Variants in NCMAP observed in about 807,000 individuals in gnomAD.
NCMAP encodes non-compact myelin associated protein, also known as noncompact myelin-associated protein.
Under a neutral mutation model 7.8 loss-of-function variants are expected in NCMAP, and 8 were observed. That is an observed-to-expected ratio of 1.02 (90% CI 0.60 to 1.84). NCMAP has a LOEUF of 1.84. Among genes scored for constraint, NCMAP ranks in the 40% most tolerant of loss-of-function variants. The pLI is 0.00. For missense variants in NCMAP, 112 were observed against 131.4 expected, an observed-to-expected ratio of 0.85 and a Z score of 0.72; for synonymous variants, 41 against 52.9, an observed-to-expected ratio of 0.78 and a Z score of 0.98.
chr1:24,584,391 G>T (rs1651822979), intron 1 of NCMAP, among the ~76,000 whole-genome samples: 1 of 152,226 alleles, frequency 6.6e-6, no homozygotes, highest in Non-Finnish European at 1.5e-5. Context: ...TTCAGCTGGG[G>T]TTTCTATTTA....
chr1:24,564,582 GA>G lies in NCMAP; in HGVS notation c.-8+8416del, dbSNP rs1651163623. ...AGAGTATACGTATGATTCCCAAAAGGAAAGAAAAATAAAAGTGGAGATGAGG... is the reference window on the plus strand; with the variant it reads ...AGAGTATACGTATGATTCCCAAAAGGAAGAAAAATAAAAGTGGAGATGAGG... On this transcript the variant is annotated intron_variant, in intron 1 of 3. Transcript: ENST00000374392. Among the ~76,000 whole-genome samples the G allele has an allele frequency of 3.5e-5, 5 of 142,390 alleles. No individual in the cohort carries two copies. The Admixed American group carries it at 3.7e-4, about 10-fold the overall frequency. 93.4% of individuals were successfully genotyped at this position (142,390 alleles called of 152,430 possible).
At chr1:24,572,586 G>T (rs563580244) in intron 1 of NCMAP, among the ~76,000 whole-genome samples, 1 of 150,578 alleles carries the variant, frequency 6.6e-6, no homozygotes. Flanking sequence ...AGGCACACTC[G>T]CTTGCACACT....
intron 1 of NCMAP, among the ~76,000 whole-genome samples, chr1:24,567,965 G>A (rs190615047): frequency 5.7e-4 from 86 of 152,100 alleles, no homozygotes; most frequent in Non-Finnish European, 8.8e-4. Flanking sequence ...AGAGAGAATC[G>A]ACCGAGGGTT....
chr1:24,604,016 G>A (rs980617640), intron 3 of NCMAP, among the ~76,000 whole-genome samples: 2 of 152,224 alleles, frequency 1.3e-5, no homozygotes, highest in African/African-American at 4.8e-5. Flanking sequence ...ATCCACGATA[G>A]AAGGGCAAAG....
chr1:24,605,854 C>A lies in NCMAP; in HGVS notation c.*107C>A. The stretch of plus-strand genomic sequence containing the variant: ...CACAATGAGCTTCTTCTGGTCAGGT[C>A]GACAGAGACATCTTTGACGCAATCT... On this transcript the variant is annotated 3_prime_UTR_variant, in exon 4 of 4. Coordinates refer to ENST00000374392, the MANE Select transcript of NCMAP (RefSeq NM_001010980.5). 3 of 1,332,306 alleles carry A rather than the reference C, an allele frequency of 2.3e-6. No individual in the cohort carries two copies. Among genetic ancestry groups the A allele is most frequent in the South Asian group, 2.7e-5 (2 of 72,948 alleles). 82.5% of individuals were successfully genotyped at this position (1,332,306 alleles called of 1,614,324 possible).
chr1:24,563,009 T>G (rs1340547883), intron 1 of NCMAP, among the ~76,000 whole-genome samples: 1 of 152,190 alleles, frequency 6.6e-6, no homozygotes, highest in Non-Finnish European at 1.5e-5. Flanking sequence ...CCAAAATAAT[T>G]AGACACTTGA....
chr1:24,591,405 C>T (rs903273958), intron 1 of NCMAP, among the ~76,000 whole-genome samples: 1 of 152,182 alleles, frequency 6.6e-6, no homozygotes, highest in African/African-American at 2.4e-5. Flanking sequence ...GTAGCTGGGA[C>T]TATAGGCGTG....
At chr1:24,570,696 C>T (rs551275840) in intron 1 of NCMAP, among the ~76,000 whole-genome samples, 1 of 150,948 alleles carries the variant, frequency 6.6e-6, no homozygotes, top group South Asian at 2.1e-4. Context: ...TGCTCAGAAC[C>T]CTCAGCCTCT....
chr1:24,595,477 A>G lies in NCMAP; in HGVS notation c.47A>G (p.Asn16Ser), dbSNP rs765014154. 1.2e-6 allele frequency: 2 copies of G among 1,613,852 alleles called. No homozygotes were observed. The highest frequency in any genetic ancestry group is 1.3e-5 in the African/African-American group (1 of 74,934). The change falls in exon 2 of 4, where the codon AAC becomes AGC. Residue 16 changes from asparagine (N) to serine (S), a missense_variant. By Grantham distance (46) the Asn-to-Ser change is conservative (BLOSUM62 1). Transcript: ENST00000374392. ...PLGDTTFFSL[N>S]MTTRGEDFLY... ...GGGGATACCACCTTCTTCTCACTGA[A>G]CATGACCACCAGGGGAGAAGACTTC...
At position 24,606,700 on chromosome 1, in the gene NCMAP, T is replaced by G. The variant is rs1454369242; in HGVS notation, c.*953T>G. 2.6e-5 allele frequency: 4 copies of G among 152,242 alleles called. No homozygotes were observed. The highest frequency in any genetic ancestry group is 7.2e-5 in the African/African-American group (3 of 41,448). The allele number at this position is 152,242 out of a possible 1,614,324, so 9.4% of individuals were successfully genotyped here. On this transcript the variant is annotated 3_prime_UTR_variant, in exon 4 of 4. Transcript: ENST00000374392. ...ACATTCACAACCCATTTCTATTCTA[T>G]AGCAACCTCGTCTGTGACTCCTTAG... is the stretch of plus-strand genomic sequence containing the variant.
At chr1:24,577,526 C>T (rs567043020) in intron 1 of NCMAP, among the ~76,000 whole-genome samples, 5 of 149,514 alleles carry the variant, frequency 3.3e-5, no homozygotes, top group East Asian at 2.0e-4. Context: ...CCTCCCACTT[C>T]GGCCTCCCAA....
chr1:24,603,948 G>A (rs1377562495), intron 3 of NCMAP, among the ~76,000 whole-genome samples: 2 of 152,216 alleles, frequency 1.3e-5, no homozygotes, highest in Non-Finnish European at 2.9e-5. Flanking sequence ...GGTTCTGGAG[G>A]CAGGGAAGTT....
At chr1:24,577,401 G>GTTTTTT (rs71577720) in intron 1 of NCMAP, among the ~76,000 whole-genome samples, 26 of 39,938 alleles carry the variant, frequency 6.5e-4, no homozygotes, top group African/African-American at 1.2e-3. Context: ...CACTGGCCTT[G>GTTTTTT]TTTTTTTTTT....
At chr1:24,595,595 C>T in intron 2 of NCMAP, 83 bp downstream of exon 2, 1 of 1,119,278 alleles carries the variant, frequency 8.9e-7, no homozygotes, top group African/African-American at 1.5e-5. Context: ...AGAGTGTGGG[C>T]TCTGGAGGTG....
Position 24,595,491 on chromosome 1 carries a change from G to A in NCMAP, c.61G>A (p.Gly21Arg), listed in dbSNP as rs780204818. Residue 21 changes from glycine (G) to arginine (R), a missense_variant, in exon 2 of 4, where the codon GGA becomes AGA. Physicochemically the swap from Gly to Arg is moderately radical, Grantham distance 125. Coordinates refer to ENST00000374392, the MANE Select transcript of NCMAP (RefSeq NM_001010980.5). Reference sequence around the variant, plus strand: ...CTTCTCACTGAACATGACCACCAGGGGAGAAGACTTCCTGTATAAGAGTAA... The same window carrying A: ...CTTCTCACTGAACATGACCACCAGGAGAGAAGACTTCCTGTATAAGAGTAA... Reference protein sequence around the residue: ...TFFSLNMTTRGEDFLYKSSGA... With the variant: ...TFFSLNMTTRREDFLYKSSGA... The A allele has an allele frequency of 1.2e-6, 2 of 1,613,854 alleles. No homozygotes were observed. The highest frequency in any genetic ancestry group is 2.2e-5 in the South Asian group (2 of 91,070).
intron 1 of NCMAP, among the ~76,000 whole-genome samples, chr1:24,569,027 T>G (rs918484600): frequency 4.3e-5 from 3 of 70,492 alleles, no homozygotes; most frequent in Non-Finnish European, 6.1e-5. Context: ...TTTTGTTTTG[T>G]TTTTTTTTGG....
Position 24,608,896 on chromosome 1 carries a change from A to C in NCMAP, c.*3149A>C, listed in dbSNP as rs983574960. ...GGGTGACAGAGCCAGACCCTGTCTC[A>C]AAGCATATTTCAACCCTAAAACTAG... On this transcript the variant is annotated 3_prime_UTR_variant, in exon 4 of 4. Transcript: ENST00000374392. The C allele has an allele frequency of 6.6e-6, 1 of 152,396 alleles. No individual in the cohort carries two copies. The highest frequency in any genetic ancestry group is 2.4e-5 in the African/African-American group (1 of 41,448). The allele number at this position is 152,396 out of a possible 1,614,324, so 9.4% of individuals were successfully genotyped here.
In NCMAP at chr1:24,576,126, C is replaced by A. The variant is rs1273414840; in HGVS notation, c.-7-19298C>A. On this transcript the variant is annotated intron_variant, in intron 1 of 3. Coordinates refer to ENST00000374392, the MANE Select transcript of NCMAP (RefSeq NM_001010980.5). The surrounding 1 kb of genome is among the most constrained non-coding windows in gnomAD (Gnocchi z 4.0). ...CTCCACCCTCACCACTGCCACCCTG[C>A]ACAGATGGCTCCCCTGCCTGTCCCC... Among the ~76,000 whole-genome samples, 2 of 152,036 alleles carry A rather than the reference C, an allele frequency of 1.3e-5. No homozygotes were observed. The highest frequency in any genetic ancestry group is 2.9e-5 in the Non-Finnish European group (2 of 68,004).
intron 1 of NCMAP, among the ~76,000 whole-genome samples, chr1:24,579,038 C>T (rs766784900): frequency 6.6e-6 from 1 of 152,218 alleles, no homozygotes; most frequent in African/African-American, 2.4e-5. Flanking sequence ...AGACTGTGCC[C>T]GGCAGCGCGG....
Sources: allele counts gnomAD v4.1 joint callset (sites outside exome capture counted in the v4.1 genomes callset), GRCh38; gene constraint gnomAD v4.1.1; non-coding constraint Gnocchi (gnomAD v3.1); transcripts MANE v1.5; gene names NCBI Gene and HGNC (gene_info 2026-07-23, HGNC 2026-07-21).